The following DPP9 variants were observed in gnomAD, a reference collection of about 807,000 sequenced individuals.
The protein encoded by DPP9 is dipeptidyl peptidase IV-related protein-2.
Under a neutral mutation model 110.7 loss-of-function variants are expected in DPP9, and 50 were observed. The ratio of observed to expected loss-of-function variants is 0.45; its 90% CI spans 0.36 to 0.57. The LOEUF is 0.57. DPP9 is among the 20% of genes least tolerant of loss of function. The probability of loss-of-function intolerance (pLI) is 0.00; values close to 1 mark genes in which losing one functional copy is unlikely to be tolerated. For synonymous variants in DPP9, 561 were observed against 514.4 expected (o/e 1.09, Z -1.23); for missense variants, 1,022 against 1,217.9 (o/e 0.84, Z 2.39).
intron 4 of DPP9, among the ~76,000 whole-genome samples, chr19:4,713,225 C>T (rs1355600507): frequency 2.6e-5 from 4 of 152,226 alleles, no homozygotes; most frequent in African/African-American, 9.6e-5. Flanking sequence ...GGTCCCCAGC[C>T]ATGTGTCACG....
chr19:4,698,783 G>T lies in DPP9; in HGVS notation c.1075-1132C>A, dbSNP rs2145658744. ...AACAAACAAGCAAAGCAAAACCCCA[G>T]CCTGGAAGGAGGTTTCACGTGCATC... On this transcript the variant is annotated intron_variant, in intron 10 of 21. Coordinates refer to ENST00000262960, the MANE Select transcript of DPP9 (RefSeq NM_139159.5). The surrounding 1 kb of genome is among the most constrained non-coding windows in gnomAD (Gnocchi z 4.2). Among the ~76,000 whole-genome samples the T allele has an allele frequency of 6.6e-6, 1 of 152,228 alleles. No individual in the cohort carries two copies. The highest frequency in any genetic ancestry group is 1.9e-4 in the East Asian group (1 of 5,178).
chr19:4,678,531 G>A (rs528157914), intron 21 of DPP9, among the ~76,000 whole-genome samples: 1 of 152,278 alleles, frequency 6.6e-6, no homozygotes, highest in African/African-American at 2.4e-5. Flanking sequence ...CAGCTACCTG[G>A]CCCCTGGGAA....
intron 3 of DPP9, among the ~76,000 whole-genome samples, chr19:4,716,967 A>G (rs1436484398): frequency 6.6e-6 from 1 of 152,106 alleles, no homozygotes; most frequent in Non-Finnish European, 1.5e-5. Flanking sequence ...AGGAGAGTAG[A>G]AGCCACCTCA....
chr19:4,707,197 G>C (rs2092626435), intron 4 of DPP9, among the ~76,000 whole-genome samples: 1 of 152,218 alleles, frequency 6.6e-6, no homozygotes, highest in Non-Finnish European at 1.5e-5. Context: ...TATTTCATCA[G>C]TAAGCCGCGG....
chr19:4,680,499 T>G (rs530228594), intron 20 of DPP9, among the ~76,000 whole-genome samples: 41 of 151,372 alleles, frequency 2.7e-4, no homozygotes, highest in Admixed American at 5.3e-4. Flanking sequence ...GTGGATTGAG[T>G]CCAGTTGTTT....
intron 20 of DPP9, among the ~76,000 whole-genome samples, chr19:4,681,053 C>T (rs754584102): frequency 9.2e-5 from 14 of 152,200 alleles, no homozygotes; most frequent in African/African-American, 1.7e-4. Context: ...TCACCAGAAT[C>T]GGCTGCCCTA....
chr19:4,679,778 C>A, intron 21 of DPP9, 57 bp downstream of exon 21: 1 of 1,382,184 alleles, frequency 7.2e-7, no homozygotes. Flanking sequence ...GTCCCACCCC[C>A]CACTCCCAGG....
At chr19:4,703,751 G>T in intron 7 of DPP9, 135 bp downstream of exon 7, 1 of 857,534 alleles carries the variant, frequency 1.2e-6, no homozygotes, top group East Asian at 2.7e-5. Flanking sequence ...GACATGGTAG[G>T]CTACAGAAGG....
At position 4,689,797 on chromosome 19, in the gene DPP9, G is replaced by A. The variant is rs1440302069; in HGVS notation, c.1597-75C>T. The A allele has an allele frequency of 1.4e-6, 2 of 1,440,604 alleles. No homozygotes were observed. The highest frequency in any genetic ancestry group is 1.9e-6 in the Non-Finnish European group (2 of 1,079,702). The allele number at this position is 1,440,604 out of a possible 1,614,324, so 89.2% of individuals were successfully genotyped here. A position where few individuals can be genotyped will look rare whatever the true frequency, so the allele number is the denominator to read the frequency against. ...CCACACCCCTCTCCACGCCCCACAG[G>A]AGTGGGCCCCATGTTCCTCGGACTG... On this transcript the variant is annotated intron_variant, in intron 14 of 21. Coordinates refer to ENST00000262960, the MANE Select transcript of DPP9 (RefSeq NM_139159.5). The surrounding 1 kb of genome is among the most constrained non-coding windows in gnomAD (Gnocchi z 7.0).
intron 21 of DPP9, 177 bp downstream of exon 21, chr19:4,679,658 C>A: frequency 1.7e-6 from 1 of 598,236 alleles, no homozygotes; most frequent in Non-Finnish European, 3.0e-6. Context: ...ACTGATACAT[C>A]AATGGCCCTG....
At chr19:4,680,596 C>A (rs2089711016) in intron 20 of DPP9, among the ~76,000 whole-genome samples, 1 of 149,942 alleles carries the variant, frequency 6.7e-6, no homozygotes, top group Non-Finnish European at 1.5e-5. Context: ...ACCTGTGGTC[C>A]CAGCTGAGCC....
At chr19:4,683,404 T>A in intron 19 of DPP9, 73 bp downstream of exon 19, 2 of 1,589,320 alleles carry the variant, frequency 1.3e-6, no homozygotes, top group Non-Finnish European at 1.7e-6. Context: ...GCGCGGGCGG[T>A]GGGCAAACGC....
chr19:4,709,381 G>A (rs2092729482), intron 4 of DPP9, among the ~76,000 whole-genome samples: 1 of 152,116 alleles, frequency 6.6e-6, no homozygotes, highest in South Asian at 2.1e-4. Flanking sequence ...CTTTTAAAGT[G>A]TATTTATGAA....
Position 4,689,484 on chromosome 19 carries a change from A to G in DPP9, c.1749+86T>C. 6.8e-7 allele frequency: 1 copy of G among 1,466,024 alleles called. No homozygotes were observed. The highest frequency in any genetic ancestry group is 1.3e-5 in the South Asian group (1 of 79,006). 90.8% of individuals were successfully genotyped at this position (1,466,024 alleles called of 1,614,324 possible). On this transcript the variant is annotated intron_variant, in intron 15 of 21. Transcript: ENST00000262960. This position sits in a 1 kb window ranked among gnomAD's most constrained non-coding sequence, Gnocchi z 7.0. ...ATGCGAGACCATGAGAATGACCCTGAGTGCTGTGCCGGGCCATGAGGGACT... is the reference window on the plus strand; with the variant it reads ...ATGCGAGACCATGAGAATGACCCTGGGTGCTGTGCCGGGCCATGAGGGACT...
rs147565730 is a variant in DPP9, at chr19:4,676,932, G to A, written c.2587-276C>T. 6.6e-6 allele frequency among the ~76,000 whole-genome samples: 1 copy of A among 152,212 alleles called. No individual in the cohort carries two copies. The highest frequency in any genetic ancestry group is 2.1e-4 in the South Asian group (1 of 4,826). On this transcript the variant is annotated intron_variant, in intron 21 of 21. Transcript: ENST00000262960. The surrounding 1 kb of genome is among the most constrained non-coding windows in gnomAD (Gnocchi z 4.0). ...TGTGCACGCGCTTGCACAGAGGAAA[G>A]ATTTAGGAAGAAACCGTTTGCCTCT...
chr19:4,689,629 C>A lies in DPP9; in HGVS notation c.1690G>T (p.Ala564Ser). The A allele has an allele frequency of 6.4e-7, 1 of 1,571,232 alleles. No individual in the cohort carries two copies. Among genetic ancestry groups the A allele is most frequent in the Non-Finnish European group, 8.6e-7 (1 of 1,158,410 alleles). Residue 564 changes from alanine to serine, a missense_variant, in exon 15 of 22, where the codon GCC (alanine) becomes TCC (serine). Physicochemically the swap from Ala to Ser is moderately conservative, Grantham distance 99. Coordinates refer to ENST00000262960, the MANE Select transcript of DPP9 (RefSeq NM_139159.5). The surrounding 1 kb of genome is among the most constrained non-coding windows in gnomAD (Gnocchi z 7.0). ...GTGGTGAGGCGTACGATCTCGCCGG[C>A]CGCCTCATAGCTGACCACGTAGAGG... Reference protein sequence around the residue: ...HHLYVVSYEAAGEIVRLTTPG... With the variant: ...HHLYVVSYEASGEIVRLTTPG...
At chr19:4,696,987 TA>T (rs2091858789) in intron 11 of DPP9, among the ~76,000 whole-genome samples, 1 of 151,954 alleles carries the variant, frequency 6.6e-6, no homozygotes, top group African/African-American at 2.4e-5. Flanking sequence ...TAGTCCCCTC[TA>T]CTCAGGAGGC....
intron 20 of DPP9, 77 bp from the exon 21 acceptor site, chr19:4,680,023 A>G (rs2089590911): frequency 2.0e-6 from 2 of 1,020,526 alleles, no homozygotes; most frequent in Non-Finnish European, 3.0e-6. Flanking sequence ...CAAGGTCAGG[A>G]GTTTGAGACC....
At position 4,687,244 on chromosome 19, in the gene DPP9, C is replaced by T. The variant is rs564141361; in HGVS notation, c.1886-1473G>A. 1.7e-4 allele frequency among the ~76,000 whole-genome samples: 26 copies of T among 152,142 alleles called. No homozygotes were observed. Among genetic ancestry groups the T allele is most frequent in the Non-Finnish European group, 3.4e-4 (23 of 68,024 alleles). On this transcript the variant is annotated intron_variant, in intron 16 of 21. Coordinates refer to ENST00000262960, the MANE Select transcript of DPP9 (RefSeq NM_139159.5). This position sits in a 1 kb window ranked among gnomAD's most constrained non-coding sequence, Gnocchi z 4.7. Reference sequence around the variant, plus strand: ...GCATCACAAAATGCTTTCCAGCCCACGGAATACCCCGCATATGCTGGAAAT... The same window carrying T: ...GCATCACAAAATGCTTTCCAGCCCATGGAATACCCCGCATATGCTGGAAAT...
Sources: allele counts gnomAD v4.1 joint callset (sites outside exome capture counted in the v4.1 genomes callset), GRCh38; gene constraint gnomAD v4.1.1; non-coding constraint Gnocchi (gnomAD v3.1); transcripts MANE v1.5; gene names NCBI Gene and HGNC (gene_info 2026-07-23, HGNC 2026-07-21).